TRDN: variants seen among roughly 807,000 people sequenced by gnomAD.
The protein encoded by TRDN is triadin in skeletal muscle.
Under a neutral mutation model 149.7 loss-of-function variants are expected in TRDN, and 161 were observed. The observed-to-expected ratio is 1.08, with a 90% CI of 0.95 to 1.23. TRDN has a LOEUF of 1.23. Ranked by LOEUF, TRDN falls within the 50% of genes most tolerant of loss-of-function variation. The pLI is 0.00. For missense variants in TRDN, 896 were observed against 823.5 expected, an observed-to-expected ratio of 1.09 and a Z score of -1.08; for synonymous variants, 294 against 250.5, an observed-to-expected ratio of 1.17 and a Z score of -1.64.
At chr6:123,451,005 G>C (rs966225763) in intron 10 of TRDN, among the ~76,000 whole-genome samples, 6 of 152,016 alleles carry the variant, frequency 3.9e-5, no homozygotes, top group South Asian at 2.1e-4. Flanking sequence ...ATGAGCACTG[G>C]CTCAAAAACA....
intron 12 of TRDN, among the ~76,000 whole-genome samples, chr6:123,425,528 G>C (rs1774085967): frequency 6.6e-6 from 1 of 151,996 alleles, no homozygotes; most frequent in East Asian, 1.9e-4. Flanking sequence ...GCCCTAGAGT[G>C]CTTCCAATTT....
At chr6:123,576,329 C>A (rs748989589) in intron 1 of TRDN, among the ~76,000 whole-genome samples, 41 of 152,150 alleles carry the variant, frequency 2.7e-4, no homozygotes, top group Non-Finnish European at 4.1e-4. Context: ...AGTCTCTGGA[C>A]ACTTTTAATG....
chr6:123,487,927 A>G (rs1778043616), intron 9 of TRDN, among the ~76,000 whole-genome samples: 1 of 152,230 alleles, frequency 6.6e-6, no homozygotes, highest in East Asian at 1.9e-4. Flanking sequence ...TAAAACATTT[A>G]GAGTTCGTAT....
intron 26 of TRDN, among the ~76,000 whole-genome samples, chr6:123,274,894 T>A (rs1197212921): frequency 1.3e-5 from 2 of 152,066 alleles, no homozygotes; most frequent in Admixed American, 6.6e-5. Context: ...AGTTTTACAC[T>A]GGTTTGCCAA....
chr6:123,276,901 G>C (rs1020691229), intron 26 of TRDN, among the ~76,000 whole-genome samples: 3 of 152,134 alleles, frequency 2.0e-5, no homozygotes, highest in African/African-American at 7.2e-5. Context: ...CTGTGGTGGA[G>C]AAGGCAGGGC....
At chr6:123,291,457 C>G (rs1216750430) in intron 24 of TRDN, among the ~76,000 whole-genome samples, 2 of 151,800 alleles carry the variant, frequency 1.3e-5, no homozygotes. Context: ...CCCAGCTAAT[C>G]AGGAGGCTGA....
intron 38 of TRDN, among the ~76,000 whole-genome samples, chr6:123,232,228 T>C (rs1203841723): frequency 6.6e-6 from 1 of 151,588 alleles, no homozygotes; most frequent in Non-Finnish European, 1.5e-5. Flanking sequence ...AATCCTATAT[T>C]ATGAAAGCCA....
intron 1 of TRDN, among the ~76,000 whole-genome samples, chr6:123,603,890 A>G (rs1235284384): frequency 6.6e-6 from 1 of 152,180 alleles, no homozygotes; most frequent in Non-Finnish European, 1.5e-5. Flanking sequence ...CTAATAATCT[A>G]CTTTTCTCAA....
chr6:123,459,038 A>G (rs995520715), intron 10 of TRDN, among the ~76,000 whole-genome samples: 3 of 152,232 alleles, frequency 2.0e-5, no homozygotes, highest in African/African-American at 7.2e-5. Context: ...ATAATATCAT[A>G]GAACTAGAGT....
At chr6:123,519,735 A>T (rs1377191797) in intron 5 of TRDN, among the ~76,000 whole-genome samples, 1 of 152,038 alleles carries the variant, frequency 6.6e-6, no homozygotes, top group Non-Finnish European at 1.5e-5. Flanking sequence ...ACCAAAAAAA[A>T]AAAATCAGAT....
intron 21 of TRDN, among the ~76,000 whole-genome samples, chr6:123,341,530 C>G (rs1443679741): frequency 6.8e-6 from 1 of 147,248 alleles, no homozygotes; most frequent in African/African-American, 2.7e-5. Context: ...AATTTTGCAA[C>G]CTGTGTAATC....
At chr6:123,292,084 T>G (rs1319777986) in intron 24 of TRDN, among the ~76,000 whole-genome samples, 2 of 152,230 alleles carry the variant, frequency 1.3e-5, no homozygotes, top group African/African-American at 2.4e-5. Flanking sequence ...GGGTACCTGC[T>G]CAACTCCATT....
chr6:123,414,265 T>TA (rs1399429727), intron 12 of TRDN, among the ~76,000 whole-genome samples: 1 of 152,094 alleles, frequency 6.6e-6, no homozygotes, highest in Non-Finnish European at 1.5e-5. Flanking sequence ...GAGATTTTTT[T>TA]AAAAAAATTC....
chr6:123,448,438 C>T (rs1186955685), intron 10 of TRDN, among the ~76,000 whole-genome samples: 2 of 152,098 alleles, frequency 1.3e-5, no homozygotes, highest in Non-Finnish European at 2.9e-5. Flanking sequence ...AGCTTGGGAG[C>T]TGGGTGAGGC....
chr6:123,585,149 G>A (rs1005052194), intron 1 of TRDN, among the ~76,000 whole-genome samples: 1 of 147,834 alleles, frequency 6.8e-6, no homozygotes, highest in Admixed American at 6.9e-5. Context: ...TAAGGTGGGG[G>A]AATACAAGAG....
At chr6:123,486,356 G>T (rs1052618205) in intron 9 of TRDN, among the ~76,000 whole-genome samples, 3 of 151,394 alleles carry the variant, frequency 2.0e-5, no homozygotes, top group Non-Finnish European at 3.0e-5. Context: ...GTGTAAAGAT[G>T]CCAATCTATT....
intron 1 of TRDN, among the ~76,000 whole-genome samples, chr6:123,615,282 G>T (rs1193532539): frequency 6.6e-6 from 1 of 152,080 alleles, no homozygotes; most frequent in Non-Finnish European, 1.5e-5. Context: ...ATTGATCCAG[G>T]AATCCTACTA....
chr6:123,337,096 T>C (rs1275744524), intron 22 of TRDN, among the ~76,000 whole-genome samples: 4 of 152,012 alleles, frequency 2.6e-5, no homozygotes, highest in African/African-American at 9.7e-5. Flanking sequence ...CATAGCAATA[T>C]AGAGTGTGAC....
At chr6:123,270,245 G>A (rs147375777) in intron 30 of TRDN, among the ~76,000 whole-genome samples, 13 of 152,116 alleles carry the variant, frequency 8.5e-5, no homozygotes, top group African/African-American at 2.9e-4. Context: ...GTGGTCGGAA[G>A]AAAGTATAAT....
Sources: gnomAD v4.1 joint callset for allele counts (sites outside exome capture counted in the v4.1 genomes callset) on GRCh38, gnomAD v4.1.1 for gene constraint, MANE v1.5 for transcripts, NCBI Gene and HGNC (gene_info 2026-07-23, HGNC 2026-07-21) for gene names.